PDE4B: variants seen among roughly 807,000 people sequenced by gnomAD.
PDE4B encodes the protein phosphodiesterase 4B.
A neutral mutation model predicts 82.2 loss-of-function variants in PDE4B; 20 were observed. The observed-to-expected ratio is 0.24, with a 90% CI of 0.17 to 0.35. PDE4B has a LOEUF of 0.35. PDE4B is among the 10% of genes least tolerant of loss of function. PDE4B has a pLI of 1.00. For missense variants in PDE4B, 655 were observed against 907.2 expected (o/e 0.72, Z 3.57); for synonymous variants, 320 against 318.9 (o/e 1.00, Z -0.04).
Position 66,372,667 on chromosome 1 carries a change from G to T in PDE4B, c.2200G>T (p.Val734Leu). Residue 734 changes from valine (V) to leucine (L), a missense_variant, in exon 17 of 17, where the codon GTG becomes TTG. By Grantham distance (32) the Val-to-Leu change is conservative (BLOSUM62 1). Coordinates refer to ENST00000341517, the MANE Select transcript of PDE4B (RefSeq NM_002600.4). ...IDIATEDKSP[V>L]DT The stretch of plus-strand genomic sequence containing the variant: ...CATTGCAACAGAAGACAAGTCCCCC[G>T]TGGATACATAATCCCCCTCTCCCTG... The T allele has an allele frequency of 6.2e-7, 1 of 1,611,486 alleles. No homozygotes were observed. The highest frequency in any genetic ancestry group is 8.5e-7 in the Non-Finnish European group (1 of 1,178,334).
chr1:66,089,237 T>A (rs1221510314), intron 3 of PDE4B, among the ~76,000 whole-genome samples: 1 of 152,126 alleles, frequency 6.6e-6, no homozygotes, highest in East Asian at 1.9e-4. Context: ...AGACAAGGTA[T>A]ACAAAGTACC....
At chr1:65,907,319 A>C (rs548392184) in intron 1 of PDE4B, among the ~76,000 whole-genome samples, 217 of 152,270 alleles carry the variant, frequency 1.4e-3, no homozygotes, top group African/African-American at 5.1e-3. Context: ...ATGTTTATCT[A>C]ATTGTTGAGT....
chr1:66,073,474 G>A (rs1304590935), intron 3 of PDE4B, among the ~76,000 whole-genome samples: 2 of 152,018 alleles, frequency 1.3e-5, no homozygotes, highest in Admixed American at 1.3e-4. Context: ...AGAAGGGATG[G>A]GGAAACTAGG....
At chr1:66,099,878 C>T (rs1645188059) in intron 3 of PDE4B, among the ~76,000 whole-genome samples, 1 of 152,132 alleles carries the variant, frequency 6.6e-6, no homozygotes, top group African/African-American at 2.4e-5. Context: ...GAAATGCTGC[C>T]GCTTCCTGCA....
chr1:65,912,320 T>C (rs1215100917), intron 1 of PDE4B, among the ~76,000 whole-genome samples: 1 of 152,148 alleles, frequency 6.6e-6, no homozygotes, highest in Non-Finnish European at 1.5e-5. Context: ...GATTTGGGCT[T>C]CCAGTGAACC....
intron 1 of PDE4B, among the ~76,000 whole-genome samples, chr1:65,819,415 A>G (rs946394946): frequency 6.6e-6 from 1 of 152,170 alleles, no homozygotes. Flanking sequence ...TCCAGAGACC[A>G]GTCTGAATGA....
At position 66,354,548 on chromosome 1, in the gene PDE4B, ACCAG is replaced by A. The variant is rs1202409595; in HGVS notation, c.748-973_748-970del. 2.5e-6 allele frequency: 3 copies of A among 1,181,846 alleles called. No homozygotes were observed. In the African/African-American group the frequency reaches 4.7e-5, roughly 19 times the overall value. The allele number at this position is 1,181,846 out of a possible 1,614,324, so 73.2% of individuals were successfully genotyped here. ...TATTCATAATTCATAAGTGCTTCAA[ACCAG>A]CCAGCTGAATACATTTGGACAGGCT... On this transcript the variant is annotated intron_variant, in intron 8 of 16. Transcript: ENST00000341517.
chr1:65,828,094 A>G (rs970033602), intron 1 of PDE4B, among the ~76,000 whole-genome samples: 9 of 152,190 alleles, frequency 5.9e-5, no homozygotes, highest in African/African-American at 1.9e-4. Context: ...AACTGAGAGA[A>G]TTAATGGCTA....
At chr1:65,798,050 G>A (rs187536467) in intron 1 of PDE4B, among the ~76,000 whole-genome samples, 50 of 151,546 alleles carry the variant, frequency 3.3e-4, no homozygotes, top group African/African-American at 1.2e-3. Flanking sequence ...ATGGAGTTTC[G>A]CTCTGTCACC....
chr1:66,361,538 G>T (rs1034935484), intron 9 of PDE4B, 77 bp from the exon 10 acceptor site: 1 of 1,112,626 alleles, frequency 9.0e-7, no homozygotes, highest in Non-Finnish European at 1.3e-6. Context: ...GTTATAGATG[G>T]TTAGAGTTGT....
intron 3 of PDE4B, among the ~76,000 whole-genome samples, chr1:65,989,818 C>T (rs1326821859): frequency 6.7e-6 from 1 of 149,254 alleles, no homozygotes; most frequent in East Asian, 2.0e-4. Flanking sequence ...CTTATGTTTA[C>T]TTTTTCTTAG....
Position 66,055,432 on chromosome 1 carries a change from G to A in PDE4B, c.281+136597G>A, listed in dbSNP as rs1655245927. Among the ~76,000 whole-genome samples the A allele has an allele frequency of 2.0e-5, 3 of 152,328 alleles. No homozygotes were observed. The South Asian group carries it at 6.2e-4, about 32-fold the overall frequency. On this transcript the variant is annotated intron_variant, in intron 3 of 16. Coordinates refer to ENST00000341517, the MANE Select transcript of PDE4B (RefSeq NM_002600.4). ...GGATTAATAAAATAGCTAGTTTAGT[G>A]CCTGGCACATAGTAGCTATTATTAG...
chr1:66,231,055 C>A (rs1214949414), intron 3 of PDE4B, among the ~76,000 whole-genome samples: 1 of 150,310 alleles, frequency 6.7e-6, no homozygotes. Context: ...AAAAAAAATT[C>A]CTAAATTGTA....
intron 3 of PDE4B, among the ~76,000 whole-genome samples, chr1:66,246,417 T>C (rs1280796776): frequency 1.3e-5 from 2 of 152,174 alleles, no homozygotes; most frequent in African/African-American, 4.8e-5. Context: ...TGTGGTCTAA[T>C]TTGAAAAAAG....
At chr1:66,018,013 G>T (rs895124057) in intron 3 of PDE4B, among the ~76,000 whole-genome samples, 1 of 152,098 alleles carries the variant, frequency 6.6e-6, no homozygotes, top group African/African-American at 2.4e-5. Context: ...GCTCTGCACG[G>T]ATCATAGAGT....
chr1:66,145,688 G>A (rs1646254784), intron 3 of PDE4B, among the ~76,000 whole-genome samples: 1 of 152,110 alleles, frequency 6.6e-6, no homozygotes, highest in Admixed American at 6.5e-5. Flanking sequence ...TTCAGATGAT[G>A]GGAAGTGATT....
At chr1:66,271,446 C>T (rs541946526) in intron 7 of PDE4B, among the ~76,000 whole-genome samples, 6 of 152,150 alleles carry the variant, frequency 3.9e-5, no homozygotes, top group East Asian at 1.9e-4. Context: ...ATGCTATTGA[C>T]GTCAATGGAG....
chr1:66,177,266 A>G (rs1233588062), intron 3 of PDE4B, among the ~76,000 whole-genome samples: 1 of 152,198 alleles, frequency 6.6e-6, no homozygotes, highest in East Asian at 1.9e-4. Context: ...CCCCTACCAC[A>G]AACTGGGATG....
chr1:65,935,893 C>T (rs572123185), intron 3 of PDE4B, among the ~76,000 whole-genome samples: 19 of 152,186 alleles, frequency 1.2e-4, no homozygotes, highest in Admixed American at 2.6e-4. Context: ...GCCGAGATCA[C>T]GCTGTTATAC....
Sources: gnomAD v4.1 joint callset for allele counts (sites outside exome capture counted in the v4.1 genomes callset) on GRCh38, gnomAD v4.1.1 for gene constraint, MANE v1.5 for transcripts, NCBI Gene and HGNC (gene_info 2026-07-23, HGNC 2026-07-21) for gene names.